Variants in ADARB2 observed in about 807,000 individuals in gnomAD.
ADARB2 encodes inactive double-stranded RNA-specific editase B2.
In ADARB2, 25 loss-of-function variants were observed where a neutral mutation model predicts 62.2. The ratio of observed to expected loss-of-function variants is 0.40; its 90% CI spans 0.29 to 0.56. The LOEUF (loss-of-function observed/expected upper bound fraction) is 0.56, where lower values mean the gene tolerates loss of function less well. Among genes scored for constraint, ADARB2 ranks in the 20% least tolerant of loss-of-function variants. The pLI is 0.43. For missense variants in ADARB2, 1,071 were observed against 1,077.4 expected (o/e 0.99, Z 0.08); for synonymous variants, 572 against 500.8 (o/e 1.14, Z -1.90).
chr10:1,187,765 G>A (rs1227423536), intron 8 of ADARB2: 3 of 353,068 alleles, frequency 8.5e-6, no homozygotes, highest in Non-Finnish European at 1.8e-5. Context: ...GGGGACAGAA[G>A]GAAGGAGCTG....
intron 1 of ADARB2, among the ~76,000 whole-genome samples, chr10:1,656,139 G>A (rs1834170004): frequency 6.6e-6 from 1 of 152,184 alleles, no homozygotes; most frequent in African/African-American, 2.4e-5. Flanking sequence ...TACTCCCCCT[G>A]CTTTTGAAAA....
Position 1,180,402 on chromosome 10 carries a change from G to A in ADARB2, c.*2791C>T, listed in dbSNP as rs1165357921. 2 of 152,206 alleles carry A rather than the reference G, an allele frequency of 1.3e-5. No individual in the cohort carries two copies. The highest frequency in any genetic ancestry group is 1.3e-4 in the Admixed American group (2 of 15,272). 9.4% of individuals were successfully genotyped at this position (152,206 alleles called of 1,614,324 possible). ...GGCCCCCCCAAGCATAGCTGGGGCT[G>A]TGGGAATCCTGGGACCCGGGTCTTC... On this transcript the variant is annotated 3_prime_UTR_variant, in exon 10 of 10. Coordinates refer to ENST00000381312, the MANE Select transcript of ADARB2 (RefSeq NM_018702.4).
chr10:1,478,711 C>T (rs893822412), intron 1 of ADARB2, among the ~76,000 whole-genome samples: 7 of 148,214 alleles, frequency 4.7e-5, no homozygotes, highest in African/African-American at 1.8e-4. Flanking sequence ...CGGGAGAGCG[C>T]CAAAACAAGG....
intron 3 of ADARB2, among the ~76,000 whole-genome samples, chr10:1,343,620 C>T (rs1264465658): frequency 6.6e-6 from 1 of 152,220 alleles, no homozygotes; most frequent in Non-Finnish European, 1.5e-5. Context: ...ATGGAATCAA[C>T]CTAAATGCCC....
intron 1 of ADARB2, among the ~76,000 whole-genome samples, chr10:1,666,304 C>A (rs963508524): frequency 2.6e-5 from 4 of 152,228 alleles, no homozygotes; most frequent in African/African-American, 9.6e-5. Flanking sequence ...CCCTGCCTGC[C>A]CCGCCAGGGC....
At position 1,351,966 on chromosome 10, in the gene ADARB2, T is replaced by C. The variant is rs113428647; in HGVS notation, c.1077+11062A>G. On this transcript the variant is annotated intron_variant, in intron 3 of 9. Transcript: ENST00000381312. The stretch of plus-strand genomic sequence containing the variant: ...AACACCTCCCTCCACAACCCATTAT[T>C]CTGTTCTGTATCTCAAACATGCTTT... Among the ~76,000 whole-genome samples the C allele has an allele frequency of 2.6e-4, 38 of 148,656 alleles. 1 individual carries two copies. The South Asian group carries it at 4.6e-3, about 18-fold the overall frequency.
At chr10:1,234,599 C>G (rs1337584060) in intron 5 of ADARB2, among the ~76,000 whole-genome samples, 3 of 151,862 alleles carry the variant, frequency 2.0e-5, no homozygotes, top group Non-Finnish European at 1.5e-5. Context: ...CACCACCATG[C>G]GAGGCTAATT....
At chr10:1,205,761 C>A (rs1454771729) in intron 7 of ADARB2, among the ~76,000 whole-genome samples, 1 of 152,262 alleles carries the variant, frequency 6.6e-6, no homozygotes, top group Non-Finnish European at 1.5e-5. Flanking sequence ...GGATTCCTGT[C>A]GTGGGCCAGC....
intron 1 of ADARB2, among the ~76,000 whole-genome samples, chr10:1,602,695 T>TCC (rs147827766): frequency 2.9e-4 from 39 of 134,882 alleles, no homozygotes; most frequent in Non-Finnish European, 6.0e-4. Context: ...CACCTGTACA[T>TCC]ACACACATCC....
chr10:1,317,853 C>G (rs1831754328), intron 3 of ADARB2, among the ~76,000 whole-genome samples: 4 of 152,150 alleles, frequency 2.6e-5, no homozygotes, highest in Admixed American at 2.6e-4. Flanking sequence ...ACATGGCTGC[C>G]TCTCTGCACC....
At chr10:1,362,075 G>A (rs776648437) in intron 3 of ADARB2, among the ~76,000 whole-genome samples, 1 of 152,258 alleles carries the variant, frequency 6.6e-6, no homozygotes, top group Non-Finnish European at 1.5e-5. Context: ...GTTTCTGACA[G>A]ATAGGAGGCA....
intron 1 of ADARB2, among the ~76,000 whole-genome samples, chr10:1,707,275 G>A (rs897288038): frequency 6.6e-6 from 1 of 152,192 alleles, no homozygotes; most frequent in Non-Finnish European, 1.5e-5. Flanking sequence ...GATCCACCTC[G>A]TCAGAGGAGG....
At chr10:1,186,456 G>T in intron 8 of ADARB2, 1 of 518,408 alleles carries the variant, frequency 1.9e-6, no homozygotes, top group African/African-American at 1.9e-5. Context: ...TGTCCCATTG[G>T]TGCCTCCTGA....
At chr10:1,244,016 C>T (rs567481510) in intron 4 of ADARB2, among the ~76,000 whole-genome samples, 37 of 152,252 alleles carry the variant, frequency 2.4e-4, no homozygotes, top group Non-Finnish European at 4.6e-4. Flanking sequence ...CAGGAAAGCT[C>T]GTGAGCAGCT....
At chr10:1,449,329 C>A (rs575448802) in intron 1 of ADARB2, among the ~76,000 whole-genome samples, 1 of 152,314 alleles carries the variant, frequency 6.6e-6, no homozygotes, top group Admixed American at 6.5e-5. Flanking sequence ...TGCCCCTTCA[C>A]TTCCCCGTGA....
chr10:1,732,455 G>A (rs1359689596), intron 1 of ADARB2, among the ~76,000 whole-genome samples: 2 of 152,040 alleles, frequency 1.3e-5, no homozygotes, highest in South Asian at 2.1e-4. Flanking sequence ...AAACTCGCAC[G>A]TCATATCTAA....
At chr10:1,220,799 C>G (rs1830688838) in intron 6 of ADARB2, among the ~76,000 whole-genome samples, 1 of 152,142 alleles carries the variant, frequency 6.6e-6, no homozygotes, top group African/African-American at 2.4e-5. Flanking sequence ...ACTAACTTTC[C>G]ATGAAGTACA....
At chr10:1,451,150 T>C (rs1318340224) in intron 1 of ADARB2, among the ~76,000 whole-genome samples, 1 of 151,826 alleles carries the variant, frequency 6.6e-6, no homozygotes, top group Non-Finnish European at 1.5e-5. Flanking sequence ...GTGTGACAAG[T>C]GTTTGCAGGA....
chr10:1,502,640 C>G (rs1831780162), intron 1 of ADARB2, among the ~76,000 whole-genome samples: 1 of 152,224 alleles, frequency 6.6e-6, no homozygotes, highest in Admixed American at 6.5e-5. Flanking sequence ...GGCCTCTGGC[C>G]TGTGGACGGA....
Sources: allele counts gnomAD v4.1 joint callset (sites outside exome capture counted in the v4.1 genomes callset), GRCh38; gene constraint gnomAD v4.1.1; transcripts MANE v1.5; gene names NCBI Gene and HGNC (gene_info 2026-07-23, HGNC 2026-07-21).